The following PTCSC3 variants were observed in gnomAD, a reference collection of about 807,000 sequenced individuals.
PTCSC3 encodes papillary thyroid carcinoma susceptibility candidate 3.
At chr14:36,149,158 G>C (rs1043915656) in intron 3 of PTCSC3, among the ~76,000 whole-genome samples, 3 of 151,868 alleles carry the variant, frequency 2.0e-5, no homozygotes, top group African/African-American at 7.3e-5. Context: ...TCTAGACATT[G>C]TTCTTGCTGC....
At chr14:36,162,959 T>A (rs546335369) in intron 1 of PTCSC3, among the ~76,000 whole-genome samples, 2 of 152,238 alleles carry the variant, frequency 1.3e-5, no homozygotes, top group South Asian at 4.1e-4. Context: ...CAAAAATGGA[T>A]GGTAGTCTTT....
At chr14:36,176,394 A>C (rs1316622220) in exon 1 of PTCSC3, 1 of 151,872 alleles carries the variant, frequency 6.6e-6, no homozygotes, top group African/African-American at 2.4e-5. Flanking sequence ...TTTCCACAAC[A>C]GTCTTCACTC....
intron 3 of PTCSC3, among the ~76,000 whole-genome samples, chr14:36,138,664 T>C (rs1029620266): frequency 3.9e-5 from 6 of 152,186 alleles, no homozygotes; most frequent in Non-Finnish European, 5.9e-5. Context: ...ATTTAAAAGA[T>C]TGACATAACC....
intron 3 of PTCSC3, among the ~76,000 whole-genome samples, chr14:36,149,770 C>T (rs1160675851): frequency 3.3e-5 from 5 of 152,118 alleles, no homozygotes; most frequent in African/African-American, 4.8e-5. Flanking sequence ...ATCAACGTAG[C>T]TTCTTCAGCT....
chr14:36,137,052 A>AG (rs34036009), intron 3 of PTCSC3, among the ~76,000 whole-genome samples: 22,493 of 152,228 alleles, frequency 0.15, 2,147 homozygotes, highest in African/African-American at 0.26. Flanking sequence ...TAAGTGTTAT[A>AG]GAAAAAAAAG....
At chr14:36,157,906 ATTTG>A (rs58184247) in intron 2 of PTCSC3, among the ~76,000 whole-genome samples, 13,402 of 152,084 alleles carry the variant, frequency 0.088, 688 homozygotes, top group Middle Eastern at 0.18. Context: ...ATGCTTTTCC[ATTTG>A]TTTGTGTCCT....
In PTCSC3 at chr14:36,169,978, C is replaced by T. The variant is rs531289899; in HGVS notation, n.171+6320G>A. Among the ~76,000 whole-genome samples, 6 of 152,190 alleles carry T rather than the reference C, an allele frequency of 3.9e-5. 1 individual carries two copies. The highest frequency in any genetic ancestry group is 1.4e-4 in the African/African-American group (6 of 41,530). On this transcript the variant is annotated intron_variant and non_coding_transcript_variant, in intron 1 of 3. Transcript: ENST00000556013. The stretch of plus-strand genomic sequence containing the variant: ...TGCAAAAAATCTAGGACCATAAGCT[C>T]TAGAACGTTGAACTGTGTCTGGAAA...
chr14:36,162,320 T>C (rs1881981927), intron 2 of PTCSC3, among the ~76,000 whole-genome samples: 1 of 149,216 alleles, frequency 6.7e-6, no homozygotes, highest in Non-Finnish European at 1.5e-5. Context: ...CCTAAATGGC[T>C]GCCCGGTTTT....
chr14:36,173,992 T>TC (rs1014876105), intron 1 of PTCSC3, among the ~76,000 whole-genome samples: 2 of 152,138 alleles, frequency 1.3e-5, no homozygotes, highest in Non-Finnish European at 2.9e-5. Context: ...ACCTTTTTTT[T>TC]CTCTTTGGCT....
chr14:36,169,220 T>C (rs1882150485), intron 1 of PTCSC3, among the ~76,000 whole-genome samples: 1 of 152,174 alleles, frequency 6.6e-6, no homozygotes, highest in Non-Finnish European at 1.5e-5. Context: ...TAAATTTTTT[T>C]TTAAATTTTT....
intron 1 of PTCSC3, among the ~76,000 whole-genome samples, chr14:36,174,265 TTC>T (rs976281208): frequency 4.1e-4 from 63 of 152,270 alleles, no homozygotes; most frequent in African/African-American, 1.5e-3. Context: ...CTTATTTTTC[TTC>T]TCTCTACTCT....
At chr14:36,164,454 G>T (rs1025982571) in intron 1 of PTCSC3, among the ~76,000 whole-genome samples, 1 of 152,088 alleles carries the variant, frequency 6.6e-6, no homozygotes, top group Non-Finnish European at 1.5e-5. Context: ...TGTAATCCTT[G>T]CATTTATGTG....
intron 3 of PTCSC3, among the ~76,000 whole-genome samples, chr14:36,151,117 A>AT (rs1371976237): frequency 6.6e-6 from 1 of 151,818 alleles, no homozygotes; most frequent in Non-Finnish European, 1.5e-5. Context: ...AGCCTTTATA[A>AT]TTTTTTCACT....
At chr14:36,167,475 A>G (rs1882111826) in intron 1 of PTCSC3, among the ~76,000 whole-genome samples, 1 of 152,198 alleles carries the variant, frequency 6.6e-6, no homozygotes, top group Non-Finnish European at 1.5e-5. Flanking sequence ...TAACTTCTGT[A>G]TCAAATGCTC....
At chr14:36,149,565 C>T (rs1004675622) in intron 3 of PTCSC3, among the ~76,000 whole-genome samples, 1 of 152,184 alleles carries the variant, frequency 6.6e-6, no homozygotes, top group African/African-American at 2.4e-5. Context: ...CTGTGCATTA[C>T]AGATAAAATC....
chr14:36,139,155 T>C (rs1881362506), intron 3 of PTCSC3, among the ~76,000 whole-genome samples: 1 of 147,870 alleles, frequency 6.8e-6, no homozygotes. Flanking sequence ...TGCATATATG[T>C]CCATACAAAG....
chr14:36,147,424 T>C (rs368974213), intron 3 of PTCSC3, among the ~76,000 whole-genome samples: 7 of 152,166 alleles, frequency 4.6e-5, no homozygotes, highest in Admixed American at 2.0e-4. Context: ...CATCTTCCAT[T>C]GCTGATACCC....
At chr14:36,159,624 C>T (rs973966232) in intron 2 of PTCSC3, among the ~76,000 whole-genome samples, 5 of 152,088 alleles carry the variant, frequency 3.3e-5, no homozygotes, top group Admixed American at 2.0e-4. Context: ...GTTATGATTT[C>T]CATTCTTTTG....
intron 2 of PTCSC3, among the ~76,000 whole-genome samples, chr14:36,158,563 T>A (rs976969902): frequency 2.0e-5 from 3 of 152,214 alleles, no homozygotes; most frequent in African/African-American, 7.2e-5. Context: ...GTTTATTGAT[T>A]TGCATGTGTT....
Sources: gnomAD v4.1 joint callset for allele counts (sites outside exome capture counted in the v4.1 genomes callset) on GRCh38, gnomAD v4.1.1 for gene constraint, MANE v1.5 for transcripts, NCBI Gene and HGNC (gene_info 2026-07-23, HGNC 2026-07-21) for gene names.